Variants in NOD1 observed in about 807,000 individuals in gnomAD.
NOD1 encodes the protein nucleotide-binding oligomerization domain-containing protein 1.
In NOD1, 70 loss-of-function variants were observed where a neutral mutation model predicts 81.2. The observed-to-expected ratio is 0.86, with a 90% CI of 0.71 to 1.05. NOD1 has a LOEUF of 1.05. Among genes scored for constraint, NOD1 ranks in the 50% least tolerant of loss-of-function variants. The pLI, the probability that NOD1 is intolerant of heterozygous loss-of-function variation, is 0.00. For synonymous variants in NOD1, 508 were observed against 526.9 expected (o/e 0.96, Z 0.49); for missense variants, 1,233 against 1,228.0 (o/e 1.00, Z -0.06).
Position 30,452,682 on chromosome 7 carries a change from A to G in NOD1, c.735T>C (p.Ser245=). 6.2e-7 allele frequency: 1 copy of G among 1,613,884 alleles called. No homozygotes were observed. Among genetic ancestry groups the G allele is most frequent in the Non-Finnish European group, 8.5e-7 (1 of 1,180,036 alleles). The change falls in exon 6 of 14, where the codon AGT becomes AGC. Residue 245 remains serine (S), a synonymous_variant. Transcript: ENST00000222823. ...GCAGGTCCTGCAGACACAGCCTGTC[A>G]CTTTCCTTGAAGCAGCTGAACATGC... is the stretch of plus-strand genomic sequence containing the variant. ...RCRMFSCFKE[S]DRLCLQDLLF... is the part of the protein sequence containing the mutation.
At position 30,456,854 on chromosome 7, in the gene NOD1, A is replaced by G; in HGVS notation, c.68T>C (p.Leu23Pro). ...PSESHPHIQL[L>P]KSNRELLVTH... ...GACCAGAAGTTCCCGATTGCTTTTCAGTAATTGAATGTGGGGGTGAGACTC... is the reference window on the plus strand; with the variant it reads ...GACCAGAAGTTCCCGATTGCTTTTCGGTAATTGAATGTGGGGGTGAGACTC... Residue 23 changes from leucine (L) to proline (P), a missense_variant, in exon 4 of 14, where the codon CTG (leucine) becomes CCG (proline). Coordinates refer to ENST00000222823, the MANE Select transcript of NOD1 (RefSeq NM_006092.4). 6.2e-7 allele frequency: 1 copy of G among 1,614,208 alleles called. No homozygotes were observed. The highest frequency in any genetic ancestry group is 8.5e-7 in the Non-Finnish European group (1 of 1,180,018).
At chr7:30,425,739 A>G (rs1783389091) in intron 13 of NOD1, 29 bp from the exon 14 acceptor site, 1 of 1,528,690 alleles carries the variant, frequency 6.5e-7, no homozygotes, top group Admixed American at 1.7e-5. Context: ...ACAAAAGTAC[A>G]CAGGTAAAAT....
chr7:30,452,630 G>T lies in NOD1; in HGVS notation c.787C>A (p.Arg263=), dbSNP rs375250487. The change falls in exon 6 of 14, where the codon CGG becomes AGG. Residue 263 remains arginine, a synonymous_variant. Coordinates refer to ENST00000222823, the MANE Select transcript of NOD1 (RefSeq NM_006092.4). ...AAGGCAAACACCTCCTCGGGGTCCC[G>T]CTCTGGGTAGCAGTAGTGCTTGAAG... ...LLFKHYCYPE[R]DPEEVFAFLL... 95 of 1,613,594 alleles carry T rather than the reference G, an allele frequency of 5.9e-5. No individual in the cohort carries two copies. Among genetic ancestry groups the T allele is most frequent in the Non-Finnish European group, 7.5e-5 (88 of 1,180,044 alleles).
At position 30,452,359 on chromosome 7, in the gene NOD1, G is replaced by C. The variant is rs1425581804; in HGVS notation, c.1058C>G (p.Ser353Cys). The C allele has an allele frequency of 1.2e-6, 2 of 1,613,324 alleles. No individual in the cohort carries two copies. The highest frequency in any genetic ancestry group is 1.7e-6 in the Non-Finnish European group (2 of 1,180,014). The change falls in exon 6 of 14, where the codon TCC becomes TGC. Residue 353 changes from serine (S) to cysteine (C), a missense_variant. By Grantham distance (112) the Ser-to-Cys change is moderately radical. Transcript: ENST00000222823. The part of the protein sequence containing the change: ...LRKKVLLRGF[S>C]PSHLRAYARR... ...GGCATAGGCGCGCAGGTGGCTGGGG[G>C]AGAAGCCCCGGAGAAGCACCTTCTT...
rs1386416465 is a variant in NOD1, at chr7:30,455,146, T to A, written c.367A>T (p.Thr123Ser). The change falls in exon 5 of 14, where the codon ACT (threonine) becomes TCT (serine). Residue 123 changes from threonine (T) to serine (S), a missense_variant. Physicochemically the swap from Thr to Ser is moderately conservative, Grantham distance 58. Transcript: ENST00000222823. The stretch of plus-strand genomic sequence containing the variant: ...TGGGGCTGACTCCTACCTGGGTCAG[T>A]GTTGACCACGACTTTGCTCTGAGTG... ...LLTQSKVVVN[T>S]DPVSRYTQQL... 1.2e-6 allele frequency: 2 copies of A among 1,613,880 alleles called. No individual in the cohort carries two copies. Among genetic ancestry groups the A allele is most frequent in the South Asian group, 2.2e-5 (2 of 91,076 alleles).
intron 7 of NOD1, 175 bp from the exon 8 acceptor site, chr7:30,447,225 C>A: frequency 1.0e-6 from 1 of 971,252 alleles, no homozygotes; most frequent in Non-Finnish European, 1.6e-6. Flanking sequence ...AAACCAGCTC[C>A]ACTACTTTCC....
chr7:30,470,028 C>T (rs930248555), intron 1 of NOD1, among the ~76,000 whole-genome samples: 2 of 151,984 alleles, frequency 1.3e-5, no homozygotes, highest in South Asian at 2.1e-4. Flanking sequence ...TCTCAGAGGG[C>T]GTGCAACTTT....
intron 13 of NOD1, among the ~76,000 whole-genome samples, chr7:30,426,168 T>C (rs1388054125): frequency 6.6e-6 from 1 of 152,126 alleles, no homozygotes; most frequent in Admixed American, 6.6e-5. Context: ...GGCTAAGCCC[T>C]TTTCCCCACC....
intron 1 of NOD1, among the ~76,000 whole-genome samples, chr7:30,473,310 A>C (rs1026681542): frequency 7.9e-5 from 12 of 152,188 alleles, no homozygotes; most frequent in Admixed American, 7.9e-4. Flanking sequence ...AAGGTGGTGT[A>C]CTTAGAACAG....
intron 9 of NOD1, among the ~76,000 whole-genome samples, chr7:30,438,375 C>T (rs916444536): frequency 2.6e-5 from 4 of 152,204 alleles, no homozygotes; most frequent in African/African-American, 9.7e-5. Context: ...TCTCTTGGAC[C>T]TCAGTTGCCC....
At chr7:30,431,991 A>G (rs2127994875) in intron 12 of NOD1, among the ~76,000 whole-genome samples, 1 of 152,168 alleles carries the variant, frequency 6.6e-6, no homozygotes, top group South Asian at 2.1e-4. Context: ...TGTAATCCCA[A>G]CTACTCAGGA....
Position 30,477,499 on chromosome 7 carries a change from C to T in NOD1, c.-352+1107G>A, listed in dbSNP as rs1788903026. 4.6e-5 allele frequency among the ~76,000 whole-genome samples: 7 copies of T among 152,050 alleles called. No individual in the cohort carries two copies. The South Asian group carries it at 1.5e-3, about 32-fold the overall frequency. On this transcript the variant is annotated intron_variant, in intron 1 of 13. Coordinates refer to ENST00000222823, the MANE Select transcript of NOD1 (RefSeq NM_006092.4). ...TTGGCAAGCACGACTTCTGGCTTCA[C>T]CGTTTTTTTGTTTTTTGTTTGTTTG... is the stretch of plus-strand genomic sequence containing the variant.
At chr7:30,450,950 T>C (rs556576312) in intron 6 of NOD1, among the ~76,000 whole-genome samples, 1 of 152,352 alleles carries the variant, frequency 6.6e-6, no homozygotes, top group East Asian at 1.9e-4. Flanking sequence ...GATAGGATTA[T>C]GAGCATCTTC....
intron 1 of NOD1, chr7:30,468,777 G>A: frequency 2.1e-6 from 2 of 969,662 alleles, no homozygotes; most frequent in Non-Finnish European, 2.5e-6. Context: ...TTCTCCTTTA[G>A]GAAATGACTT....
In NOD1 at chr7:30,451,373, G is replaced by A. The variant is rs372886081; in HGVS notation, c.2044C>T (p.Leu682=). The A allele has an allele frequency of 2.0e-3, 3,164 of 1,614,194 alleles. 73 individuals are homozygous for A. The South Asian group carries it at 0.033, about 17-fold the overall frequency. ...ARGICANYLK[L]TYCNACSADC... ...GCCGAGCAGGCGTTGCAGTAGGTCA[G>A]CTTGAGGTAGTTGGCGCAGATGCCC... Residue 682 remains leucine (L), a synonymous_variant, in exon 6 of 14, where the codon CTG becomes TTG. Transcript: ENST00000222823. The surrounding 1 kb of genome is among the most constrained non-coding windows in gnomAD (Gnocchi z 4.2).
chr7:30,425,566 A>C lies in NOD1; in HGVS notation c.*72T>G. 1 of 1,141,992 alleles carries C rather than the reference A, an allele frequency of 8.8e-7. No homozygotes were observed. The highest frequency in any genetic ancestry group is 1.3e-6 in the Non-Finnish European group (1 of 749,134). The allele number at this position is 1,141,992 out of a possible 1,614,324, so 70.7% of individuals were successfully genotyped here. ...GCAGGCCCCTTTAAGACACTGACAC[A>C]AAAGACTGCCCAGAGTGGCATTTGC... is the stretch of plus-strand genomic sequence containing the variant. On this transcript the variant is annotated 3_prime_UTR_variant, in exon 14 of 14. Transcript: ENST00000222823.
intron 1 of NOD1, among the ~76,000 whole-genome samples, chr7:30,474,358 G>C (rs1227627120): frequency 1.3e-5 from 2 of 152,234 alleles, no homozygotes; most frequent in African/African-American, 2.4e-5. Flanking sequence ...GGAGGACACA[G>C]AGTTGGAGTG....
chr7:30,437,312 G>A (rs779368016), intron 10 of NOD1, among the ~76,000 whole-genome samples: 4 of 152,168 alleles, frequency 2.6e-5, no homozygotes, highest in South Asian at 2.1e-4. Flanking sequence ...GATAGGTGCA[G>A]CAAATCACCA....
chr7:30,429,910 A>C (rs555901853), intron 12 of NOD1, among the ~76,000 whole-genome samples: 57 of 152,254 alleles, frequency 3.7e-4, no homozygotes, highest in Admixed American at 1.1e-3. Context: ...ACTCCCAGCT[A>C]CTCGGGAGAC....
Sources: allele counts gnomAD v4.1 joint callset (sites outside exome capture counted in the v4.1 genomes callset), GRCh38; gene constraint gnomAD v4.1.1; non-coding constraint Gnocchi (gnomAD v3.1); transcripts MANE v1.5; gene names NCBI Gene and HGNC (gene_info 2026-07-23, HGNC 2026-07-21).